The following CALCRL variants were observed in gnomAD, a reference collection of about 807,000 sequenced individuals.
The protein encoded by CALCRL is calcitonin gene-related peptide type 1 receptor.
A neutral mutation model predicts 60.4 loss-of-function variants in CALCRL; 27 were observed. That is an observed-to-expected ratio of 0.45 (90% CI 0.33 to 0.62). The LOEUF is 0.62. Ranked by LOEUF, CALCRL falls within the 20% of genes least tolerant of loss-of-function variation. The pLI is 0.03. For synonymous variants in CALCRL, 190 were observed against 182.6 expected (o/e 1.04, Z -0.33); for missense variants, 424 against 540.7 (o/e 0.78, Z 2.14).
intron 1 of CALCRL, among the ~76,000 whole-genome samples, chr2:187,411,778 C>T (rs557542082): frequency 2.6e-5 from 4 of 151,584 alleles, no homozygotes; most frequent in Non-Finnish European, 4.4e-5. Flanking sequence ...GGGCGGATCA[C>T]GAGGTCAGGA....
chr2:187,410,241 A>T (rs2105845595), intron 1 of CALCRL, among the ~76,000 whole-genome samples: 1 of 152,304 alleles, frequency 6.6e-6, no homozygotes, highest in African/African-American at 2.4e-5. Context: ...GAGTGACATG[A>T]ACATTTTAAA....
At chr2:187,390,353 T>C (rs182154837) in intron 1 of CALCRL, among the ~76,000 whole-genome samples, 75 of 152,294 alleles carry the variant, frequency 4.9e-4, no homozygotes, top group Admixed American at 2.7e-3. Context: ...TATTATTCTA[T>C]GTAAAAATCA....
At chr2:187,393,751 T>C (rs1202855501) in intron 1 of CALCRL, among the ~76,000 whole-genome samples, 6 of 152,104 alleles carry the variant, frequency 3.9e-5, no homozygotes, top group Admixed American at 3.9e-4. Context: ...TATAATTTTC[T>C]GAGTCATAAA....
At chr2:187,408,164 A>G (rs1232940815) in intron 1 of CALCRL, among the ~76,000 whole-genome samples, 2 of 152,080 alleles carry the variant, frequency 1.3e-5, no homozygotes, top group African/African-American at 2.4e-5. Flanking sequence ...TACATTAAGT[A>G]TTGAAAGCCA....
chr2:187,383,730 AG>A (rs1688084120), intron 4 of CALCRL, among the ~76,000 whole-genome samples: 2 of 152,194 alleles, frequency 1.3e-5, no homozygotes, highest in African/African-American at 2.4e-5. Flanking sequence ...AGTATAAAAT[AG>A]CATCAAGATA....
intron 1 of CALCRL, among the ~76,000 whole-genome samples, chr2:187,433,764 A>G (rs1214162833): frequency 6.6e-6 from 1 of 152,234 alleles, no homozygotes; most frequent in East Asian, 1.9e-4. Context: ...AAGAAAAAAT[A>G]TATAAACCTA....
intron 1 of CALCRL, among the ~76,000 whole-genome samples, chr2:187,432,141 A>C (rs1309939928): frequency 6.6e-6 from 1 of 152,136 alleles, no homozygotes; most frequent in Non-Finnish European, 1.5e-5. Flanking sequence ...CTTGTCAGTA[A>C]TGAGTTTTAA....
chr2:187,429,920 G>A (rs1262662248), intron 1 of CALCRL, among the ~76,000 whole-genome samples: 2 of 152,138 alleles, frequency 1.3e-5, no homozygotes, highest in African/African-American at 4.8e-5. Flanking sequence ...ATTCCTCTCA[G>A]TGTTCACATG....
intron 8 of CALCRL, among the ~76,000 whole-genome samples, chr2:187,367,568 A>T (rs1687352286): frequency 6.6e-6 from 1 of 152,150 alleles, no homozygotes; most frequent in Non-Finnish European, 1.5e-5. Flanking sequence ...TGTAATTGGT[A>T]AACACATGGT....
At chr2:187,429,572 A>T (rs1038587428) in intron 1 of CALCRL, among the ~76,000 whole-genome samples, 3 of 152,224 alleles carry the variant, frequency 2.0e-5, no homozygotes, top group African/African-American at 7.2e-5. Flanking sequence ...TAAAATGGAA[A>T]CATACATAAT....
intron 14 of CALCRL, among the ~76,000 whole-genome samples, chr2:187,350,428 A>G (rs1267141915): frequency 1.3e-5 from 2 of 148,364 alleles, no homozygotes; most frequent in African/African-American, 4.9e-5. Context: ...TTGTAACTGC[A>G]TTCTGTCTAT....
intron 1 of CALCRL, among the ~76,000 whole-genome samples, chr2:187,388,967 G>T (rs1469176814): frequency 1.3e-5 from 2 of 151,766 alleles, no homozygotes; most frequent in Non-Finnish European, 2.9e-5. Flanking sequence ...CTAAATAAAT[G>T]ATTGATTAAT....
intron 9 of CALCRL, among the ~76,000 whole-genome samples, chr2:187,362,902 C>CA (rs974025079): frequency 2.0e-5 from 3 of 151,988 alleles, no homozygotes; most frequent in Non-Finnish European, 2.9e-5. Flanking sequence ...CAGCCTGATA[C>CA]AAAAAATATA....
chr2:187,365,215 A>G (rs1687226266), intron 8 of CALCRL, among the ~76,000 whole-genome samples: 1 of 152,222 alleles, frequency 6.6e-6, no homozygotes, highest in Non-Finnish European at 1.5e-5. Context: ...AGAGTTAATG[A>G]ATATCAGAAA....
chr2:187,371,058 C>T (rs953501924), intron 8 of CALCRL, among the ~76,000 whole-genome samples: 26 of 152,000 alleles, frequency 1.7e-4, no homozygotes, highest in African/African-American at 5.8e-4. Context: ...CTGGCTAACA[C>T]GGTGAAACCC....
chr2:187,412,237 C>T (rs1024625710), intron 1 of CALCRL, among the ~76,000 whole-genome samples: 1 of 152,120 alleles, frequency 6.6e-6, no homozygotes, highest in African/African-American at 2.4e-5. Context: ...TTTCCTATTT[C>T]CACTAGTCAG....
intron 5 of CALCRL, 55 bp from the exon 6 acceptor site, chr2:187,380,842 G>T (rs1687955881): frequency 7.2e-7 from 1 of 1,383,524 alleles, no homozygotes; most frequent in Non-Finnish European, 1.0e-6. Flanking sequence ...TATACATGAA[G>T]ACATAGTTTT....
rs569084312 is a variant in CALCRL at position 187,380,834 on chromosome 2, T to C, written c.185-47A>G. On this transcript the variant is annotated intron_variant, in intron 5 of 14. Coordinates refer to ENST00000392370, the MANE Select transcript of CALCRL (RefSeq NM_005795.6). Reference sequence around the variant, plus strand: ...GGGGATAATTAAATCCTTCTACTTATACATGAAGACATAGTTTTAAAAGTG... The same window carrying C: ...GGGGATAATTAAATCCTTCTACTTACACATGAAGACATAGTTTTAAAAGTG... The C allele has an allele frequency of 6.3e-6, 9 of 1,428,016 alleles. No homozygotes were observed. The African/African-American group carries it at 7.0e-5, about 11-fold the overall frequency. The allele number at this position is 1,428,016 out of a possible 1,614,324, so 88.5% of individuals were successfully genotyped here. A position where few individuals can be genotyped will look rare whatever the true frequency, so the allele number is the denominator to read the frequency against.
Position 187,360,848 on chromosome 2 carries a change from C to T in CALCRL, c.628-97G>A, listed in dbSNP as rs988349884. 16 of 1,116,262 alleles carry T rather than the reference C, an allele frequency of 1.4e-5. No individual in the cohort carries two copies. In the Admixed American group the frequency reaches 3.6e-4, roughly 25 times the overall value. The allele number at this position is 1,116,262 out of a possible 1,614,324, so 69.1% of individuals were successfully genotyped here. A position where few individuals can be genotyped will look rare whatever the true frequency, so the allele number is the denominator to read the frequency against. ...CTCAGGAAACATGGAACATTCTCCC[C>T]TACACACAAAATCCTATACATTAAT... is the stretch of plus-strand genomic sequence containing the variant. On this transcript the variant is annotated intron_variant, in intron 9 of 14. Coordinates refer to ENST00000392370, the MANE Select transcript of CALCRL (RefSeq NM_005795.6).
Sources: allele counts gnomAD v4.1 joint callset (sites outside exome capture counted in the v4.1 genomes callset), GRCh38; gene constraint gnomAD v4.1.1; transcripts MANE v1.5; gene names NCBI Gene and HGNC (gene_info 2026-07-23, HGNC 2026-07-21).